The following NAGLU variants were observed in gnomAD, a reference collection of about 807,000 sequenced individuals.
The protein encoded by NAGLU is alpha-N-acetylglucosaminidase.
NAGLU carries 34 observed loss-of-function variants against 43.4 expected under a neutral mutation model. The observed-to-expected ratio is 0.78, with a 90% CI of 0.60 to 1.04. NAGLU has a LOEUF of 1.04. Among genes scored for constraint, NAGLU ranks in the 50% least tolerant of loss-of-function variants. The probability of loss-of-function intolerance (pLI) is 0.00; values close to 1 mark genes in which losing one functional copy is unlikely to be tolerated. For missense variants in NAGLU, 910 were observed against 993.7 expected (o/e 0.92, Z 1.13); for synonymous variants, 425 against 437.6 (o/e 0.97, Z 0.36).
Position 42,543,863 on chromosome 17 carries a change from C to T in NAGLU, c.1857C>T (p.Gly619=). The T allele has an allele frequency of 1.9e-6, 3 of 1,602,724 alleles. No individual in the cohort carries two copies. The highest frequency in any genetic ancestry group is 2.6e-6 in the Non-Finnish European group (3 of 1,175,072). The change falls in exon 6 of 6, where the codon GGC becomes GGT. Residue 619 remains glycine, a synonymous_variant. Coordinates refer to ENST00000225927, the MANE Select transcript of NAGLU (RefSeq NM_000263.4). ...CTAGTGACAGCCGCTTCTTGCTGGGCAGCTGGCTAGAGCAGGCCCGAGCAG... is the reference window on the plus strand; with the variant it reads ...CTAGTGACAGCCGCTTCTTGCTGGGTAGCTGGCTAGAGCAGGCCCGAGCAG... ...VLASDSRFLL[G]SWLEQARAAA... is the part of the protein sequence containing the mutation.
At chr17:42,539,055 G>A (rs1324541902) in intron 4 of NAGLU, among the ~76,000 whole-genome samples, 1 of 152,248 alleles carries the variant, frequency 6.6e-6, no homozygotes, top group East Asian at 1.9e-4. Flanking sequence ...CTGGGAGGCA[G>A]ACGTTGCAGT....
chr17:42,543,924 C>T lies in NAGLU; in HGVS notation c.1918C>T (p.Gln640Ter), dbSNP rs753670246. ...VSEAEADFYE[Q>*]NSRYQLTLWG... ...TGAGGCCGAGGCCGATTTCTACGAG[C>T]AGAACAGCCGCTACCAGCTGACCTT... Residue 640 changes from glutamine to a stop codon, truncating the protein, a stop_gained, in exon 6 of 6, where the codon CAG (glutamine) becomes TAG (stop). Transcript: ENST00000225927. LOFTEE classifies it low-confidence loss of function (END_TRUNC). 1 of 1,607,186 alleles carries T rather than the reference C, an allele frequency of 6.2e-7. No homozygotes were observed. Among genetic ancestry groups the T allele is most frequent in the Admixed American group, 1.7e-5 (1 of 59,032 alleles).
Position 42,539,084 on chromosome 17 carries a change from T to G in NAGLU, c.764+329T>G, listed in dbSNP as rs781058198. On this transcript the variant is annotated intron_variant, in intron 4 of 5. Coordinates refer to ENST00000225927, the MANE Select transcript of NAGLU (RefSeq NM_000263.4). The stretch of plus-strand genomic sequence containing the variant: ...TTGCAGTGAGTCAAGATCACGCCAT[T>G]GCACTCCAGCCTGGGTGACGAGCGA... Among the ~76,000 whole-genome samples, 113 of 152,296 alleles carry G rather than the reference T, an allele frequency of 7.4e-4. 1 individual carries two copies. Among genetic ancestry groups the G allele is most frequent in the Non-Finnish European group, 1.1e-3 (78 of 68,030 alleles).
intron 1 of NAGLU, 175 bp downstream of exon 1, chr17:42,536,830 C>G (rs1478154252): frequency 1.6e-6 from 2 of 1,261,530 alleles, no homozygotes; most frequent in Admixed American, 3.8e-5. Flanking sequence ...CTCGGCTGGC[C>G]CACCTGAAAA....
intron 1 of NAGLU, 41 bp from the exon 2 acceptor site, chr17:42,537,357 T>C (rs763010306): frequency 6.2e-7 from 1 of 1,613,270 alleles, no homozygotes; most frequent in Non-Finnish European, 8.5e-7. Flanking sequence ...CCGTGGACCC[T>C]CCAGGGTGGG....
Position 42,537,410 on chromosome 17 carries a change from C to T in NAGLU, c.396C>T (p.Tyr132=). Residue 132 remains tyrosine (Y), a synonymous_variant, in exon 2 of 6, where the codon TAC becomes TAT. Coordinates refer to ENST00000225927, the MANE Select transcript of NAGLU (RefSeq NM_000263.4). ...TEATPNRYRY[Y]QNVCTQSYSF... ...ACACTGCCCGCAGGTACCGCTATTA[C>T]CAGAATGTGTGCACGCAAAGCTACT... The T allele has an allele frequency of 6.2e-7, 1 of 1,614,232 alleles. No homozygotes were observed. The highest frequency in any genetic ancestry group is 8.5e-7 in the Non-Finnish European group (1 of 1,180,022).
chr17:42,544,118 G>A lies in NAGLU; in HGVS notation c.2112G>A (p.Leu704=). ...QHQFDKNVFQ[L]EQAFVLSKQR... ...AGTTTGACAAAAATGTCTTCCAACT[G>A]GAGCAGGCCTTCGTTCTCAGCAAGC... The change falls in exon 6 of 6, where the codon CTG becomes CTA. Residue 704 remains leucine (L), a synonymous_variant. Transcript: ENST00000225927. 6.2e-7 allele frequency: 1 copy of A among 1,614,108 alleles called. No individual in the cohort carries two copies. The highest frequency in any genetic ancestry group is 8.5e-7 in the Non-Finnish European group (1 of 1,180,028).
Position 42,543,447 on chromosome 17 carries a change from C to T in NAGLU, c.1441C>T (p.Arg481Trp), listed in dbSNP as rs747529593. Residue 481 changes from arginine to tryptophan, a missense_variant, in exon 6 of 6, where the codon CGG becomes TGG. By Grantham distance (101) the Arg-to-Trp change is moderately radical. Transcript: ENST00000225927. ...AGCCTGGGTGACCAGCTTTGCCGCC[C>T]GGCGGTATGGGGTCTCCCACCCGGA... ...LAAWVTSFAA[R>W]RYGVSHPDAG... 1.6e-5 allele frequency: 25 copies of T among 1,598,316 alleles called. No individual in the cohort carries two copies. The highest frequency in any genetic ancestry group is 1.5e-4 in the African/African-American group (11 of 74,834).
Position 42,544,420 on chromosome 17 carries a change from G to A in NAGLU, c.*182G>A. On this transcript the variant is annotated 3_prime_UTR_variant, in exon 6 of 6. Coordinates refer to ENST00000225927, the MANE Select transcript of NAGLU (RefSeq NM_000263.4). ...CCCTCCACCACCACCCAAAGTGTGG[G>A]ATTAAAGTACTGTTTTCTTTCCACT... 1.2e-6 allele frequency: 1 copy of A among 865,474 alleles called. No individual in the cohort carries two copies. The highest frequency in any genetic ancestry group is 1.8e-6 in the Non-Finnish European group (1 of 562,030). 53.6% of individuals were successfully genotyped at this position (865,474 alleles called of 1,614,324 possible). A position where few individuals can be genotyped will look rare whatever the true frequency, so the allele number is the denominator to read the frequency against.
In NAGLU at chr17:42,543,933, C is replaced by T. The variant is rs104894594; in HGVS notation, c.1927C>T (p.Arg643Cys). The change falls in exon 6 of 6, where the codon CGC becomes TGC. Residue 643 changes from arginine (R) to cysteine (C), a missense_variant. Physicochemically the swap from Arg to Cys is radical, Grantham distance 180. Transcript: ENST00000225927. ...GGCCGATTTCTACGAGCAGAACAGC[C>T]GCTACCAGCTGACCTTGTGGGGGCC... ...AEADFYEQNS[R>C]YQLTLWGPEG... is the part of the protein sequence containing the mutation. 5.6e-6 allele frequency: 9 copies of T among 1,608,150 alleles called. No homozygotes were observed. Among genetic ancestry groups the T allele is most frequent in the East Asian group, 2.2e-5 (1 of 44,660 alleles).
At chr17:42,536,980 G>A (rs2092908174) in intron 1 of NAGLU, 2 of 467,904 alleles carry the variant, frequency 4.3e-6, no homozygotes, top group African/African-American at 2.0e-5. Flanking sequence ...GCGGACTGAG[G>A]AAGGACGCCT....
chr17:42,544,341 C>T lies in NAGLU; in HGVS notation c.*103C>T. ...AGGATAACCCAGGCCTGGGAGGAGG[C>T]CCCACGGCCTGCTGGTGGGGTCTGA... On this transcript the variant is annotated 3_prime_UTR_variant, in exon 6 of 6. Coordinates refer to ENST00000225927, the MANE Select transcript of NAGLU (RefSeq NM_000263.4). 1 of 1,548,720 alleles carries T rather than the reference C, an allele frequency of 6.5e-7. No homozygotes were observed. The highest frequency in any genetic ancestry group is 8.8e-7 in the Non-Finnish European group (1 of 1,141,980).
At chr17:42,537,715 C>T (rs2092910681) in intron 2 of NAGLU, among the ~76,000 whole-genome samples, 170 bp downstream of exon 2, 1 of 152,208 alleles carries the variant, frequency 6.6e-6, no homozygotes, top group African/African-American at 2.4e-5. Flanking sequence ...CGGTGGCTCA[C>T]GCCTGTCATC....
rs1166458645 is a variant in NAGLU, at chr17:42,543,667, C to T, written c.1661C>T (p.Pro554Leu). 3 of 1,613,058 alleles carry T rather than the reference C, an allele frequency of 1.9e-6. No individual in the cohort carries two copies. The highest frequency in any genetic ancestry group is 2.2e-5 in the East Asian group (1 of 44,902). ...TCTGCTCCCTCCCTGGCCACCAGCC[C>T]CGCCTTCCGCTACGACCTGCTGGAC... ...LTSAPSLATS[P>L]AFRYDLLDLT... The change falls in exon 6 of 6, where the codon CCC (proline) becomes CTC (leucine). Residue 554 changes from proline to leucine, a missense_variant. Coordinates refer to ENST00000225927, the MANE Select transcript of NAGLU (RefSeq NM_000263.4).
rs1295656225 is a variant in NAGLU at position 42,544,059 on chromosome 17, AG to A, written c.2054del (p.Ser685MetfsTer122). ...GCTTTTCCTGGAGGCGCTGGTTGAC[AG>A]TGTGGCCCAGGGCATCCCTTTCCAA... The part of the protein sequence containing the change: ...WRLFLEALVD[S>X]VAQGIPFQQH... On this transcript the variant is annotated frameshift_variant, in exon 6 of 6. Transcript: ENST00000225927. LOFTEE classifies it low-confidence loss of function (END_TRUNC). The A allele has an allele frequency of 1.9e-6, 3 of 1,613,658 alleles. No homozygotes were observed. Among genetic ancestry groups the A allele is most frequent in the Non-Finnish European group, 1.7e-6 (2 of 1,179,896 alleles).
In NAGLU at chr17:42,543,161, T is replaced by C. The variant is rs1012644759; in HGVS notation, c.1155T>C (p.Ala385=). 8 of 1,614,142 alleles carry C rather than the reference T, an allele frequency of 5.0e-6. No individual in the cohort carries two copies. The highest frequency in any genetic ancestry group is 6.8e-6 in the Non-Finnish European group (8 of 1,180,046). ...RGRLLVLDLF[A]ESQPVYTRTA... ...GCCTCCTGGTTCTGGACCTGTTTGC[T>C]GAGAGCCAGCCTGTGTATACCCGCA... Residue 385 remains alanine, a synonymous_variant, in exon 6 of 6, where the codon GCT becomes GCC. Transcript: ENST00000225927.
At position 42,543,795 on chromosome 17, in the gene NAGLU, G is replaced by T; in HGVS notation, c.1789G>T (p.Val597Phe). 3 of 1,608,600 alleles carry T rather than the reference G, an allele frequency of 1.9e-6. No homozygotes were observed. The highest frequency in any genetic ancestry group is 2.5e-6 in the Non-Finnish European group (3 of 1,178,366). Reference protein sequence around the residue: ...ELASLLRAGGVLAYELLPALD... With the variant: ...ELASLLRAGGFLAYELLPALD... The stretch of plus-strand genomic sequence containing the variant: ...GGCCTCCCTGTTGAGGGCTGGAGGC[G>T]TCCTGGCCTATGAGCTGCTGCCGGC... The change falls in exon 6 of 6, where the codon GTC (valine) becomes TTC (phenylalanine). Residue 597 changes from valine (V) to phenylalanine (F), a missense_variant. Val to Phe is a conservative substitution (Grantham distance 50). Transcript: ENST00000225927.
intron 2 of NAGLU, 104 bp from the exon 3 acceptor site, chr17:42,538,235 G>A: frequency 6.4e-7 from 1 of 1,574,502 alleles, no homozygotes; most frequent in Non-Finnish European, 8.7e-7. Flanking sequence ...TGTCTCAGTA[G>A]CCCTAGCACC....
chr17:42,542,303 A>AAC (rs1466972222), intron 5 of NAGLU, among the ~76,000 whole-genome samples: 4 of 152,126 alleles, frequency 2.6e-5, no homozygotes, highest in African/African-American at 7.2e-5. Context: ...ACCTCAAATG[A>AAC]TTCGCCCACT....
Sources: gnomAD v4.1 joint callset for allele counts (sites outside exome capture counted in the v4.1 genomes callset) on GRCh38, gnomAD v4.1.1 for gene constraint, MANE v1.5 for transcripts, NCBI Gene and HGNC (gene_info 2026-07-23, HGNC 2026-07-21) for gene names.